EXOC6B: variants seen among roughly 807,000 people sequenced by gnomAD.
The protein encoded by EXOC6B is exocyst complex component 6B.
A neutral mutation model predicts 113.5 loss-of-function variants in EXOC6B; 54 were observed. The ratio of observed to expected loss-of-function variants is 0.48; its 90% confidence interval spans 0.38 to 0.60. EXOC6B has a LOEUF of 0.60. EXOC6B is among the 20% of genes least tolerant of loss of function. The pLI is 0.00. For synonymous variants in EXOC6B, 357 were observed against 339.0 expected (o/e 1.05, Z -0.58); for missense variants, 797 against 977.5 (o/e 0.82, Z 2.46).
intron 6 of EXOC6B, among the ~76,000 whole-genome samples, chr2:72,590,364 TC>T (rs1705860340): frequency 6.6e-6 from 1 of 151,544 alleles, no homozygotes; most frequent in Non-Finnish European, 1.5e-5. Flanking sequence ...ATGTTCACAC[TC>T]CAAGAGTATT....
chr2:72,184,740 T>C (rs1003514234), intron 20 of EXOC6B, among the ~76,000 whole-genome samples: 2 of 152,154 alleles, frequency 1.3e-5, no homozygotes, highest in Non-Finnish European at 2.9e-5. Flanking sequence ...TATATACAAA[T>C]AGGACACACA....
chr2:72,623,403 G>C (rs1221546292), intron 6 of EXOC6B, among the ~76,000 whole-genome samples: 4 of 152,114 alleles, frequency 2.6e-5, no homozygotes, highest in Non-Finnish European at 5.9e-5. Context: ...TTAGACACCA[G>C]GGTAAATGCT....
At chr2:72,196,897 A>G (rs1299022306) in intron 20 of EXOC6B, among the ~76,000 whole-genome samples, 1 of 152,182 alleles carries the variant, frequency 6.6e-6, no homozygotes, top group Non-Finnish European at 1.5e-5. Context: ...CCAGCATGCT[A>G]TCTGTCCTTG....
intron 18 of EXOC6B, among the ~76,000 whole-genome samples, chr2:72,426,839 G>A (rs975378930): frequency 2.0e-5 from 3 of 152,198 alleles, no homozygotes; most frequent in African/African-American, 4.8e-5. Flanking sequence ...CATCCGGAGC[G>A]GCCGCTGCTA....
chr2:72,570,844 CA>C (rs920109389), intron 7 of EXOC6B, among the ~76,000 whole-genome samples: 9 of 152,196 alleles, frequency 5.9e-5, no homozygotes, highest in African/African-American at 2.2e-4. Flanking sequence ...TATACATTGT[CA>C]AAAATTAGAT....
At chr2:72,643,802 A>T (rs886861966) in intron 6 of EXOC6B, among the ~76,000 whole-genome samples, 1 of 150,674 alleles carries the variant, frequency 6.6e-6, no homozygotes, top group African/African-American at 2.4e-5. Flanking sequence ...AGCAATAAAA[A>T]AAATTAAAAA....
chr2:72,726,552 G>A (rs186201140), intron 5 of EXOC6B, among the ~76,000 whole-genome samples: 15 of 152,254 alleles, frequency 9.9e-5, no homozygotes, highest in Admixed American at 2.6e-4. Flanking sequence ...GGTAAAATGT[G>A]AGAGTTTTTC....
At chr2:72,464,342 T>TA (rs1697901138) in intron 18 of EXOC6B, 1 of 152,194 alleles carries the variant, frequency 6.6e-6, no homozygotes, top group African/African-American at 2.4e-5. Flanking sequence ...TCTTTGGTGC[T>TA]AAAAAGACAA....
chr2:72,389,894 C>T (rs1692264558), intron 18 of EXOC6B, among the ~76,000 whole-genome samples: 1 of 151,948 alleles, frequency 6.6e-6, no homozygotes, highest in East Asian at 1.9e-4. Context: ...AATACTTTAC[C>T]TATTCTTCCT....
intron 18 of EXOC6B, among the ~76,000 whole-genome samples, chr2:72,427,206 A>G (rs1047902167): frequency 1.3e-5 from 2 of 152,174 alleles, no homozygotes; most frequent in South Asian, 2.1e-4. Flanking sequence ...TGGCAGGGGA[A>G]CAGCATGGTT....
At chr2:72,391,918 C>T (rs551313355) in intron 18 of EXOC6B, among the ~76,000 whole-genome samples, 3 of 152,222 alleles carry the variant, frequency 2.0e-5, no homozygotes, top group Admixed American at 2.0e-4. Context: ...TTTCTACAGA[C>T]CCATATCTGA....
At chr2:72,738,003 T>C (rs1681073212) in intron 2 of EXOC6B, among the ~76,000 whole-genome samples, 1 of 152,174 alleles carries the variant, frequency 6.6e-6, no homozygotes, top group Non-Finnish European at 1.5e-5. Context: ...TTTCTTATTA[T>C]AATACATAAA....
intron 19 of EXOC6B, among the ~76,000 whole-genome samples, chr2:72,351,089 G>A (rs1370395896): frequency 6.6e-6 from 1 of 152,054 alleles, no homozygotes; most frequent in Non-Finnish European, 1.5e-5. Flanking sequence ...TGAGTCAGAG[G>A]GGAAGGGCAG....
intron 8 of EXOC6B, among the ~76,000 whole-genome samples, chr2:72,516,810 G>T (rs542475770): frequency 6.6e-6 from 1 of 152,198 alleles, no homozygotes; most frequent in East Asian, 1.9e-4. Flanking sequence ...TTGTAATGAG[G>T]ATTTAGAGGA....
intron 6 of EXOC6B, among the ~76,000 whole-genome samples, chr2:72,643,774 T>C (rs1299008591): frequency 6.9e-6 from 1 of 144,556 alleles, no homozygotes; most frequent in Admixed American, 6.9e-5. Context: ...TTAAAAAAAA[T>C]AAATTTAAAA....
chr2:72,282,522 G>A (rs1685186998), intron 20 of EXOC6B, among the ~76,000 whole-genome samples: 1 of 151,612 alleles, frequency 6.6e-6, no homozygotes, highest in Non-Finnish European at 1.5e-5. Context: ...AAGAAAGGGA[G>A]AAACAGAAGT....
intron 5 of EXOC6B, among the ~76,000 whole-genome samples, chr2:72,728,558 T>C (rs1358269841): frequency 1.3e-5 from 2 of 152,190 alleles, no homozygotes; most frequent in Non-Finnish European, 2.9e-5. Flanking sequence ...TTACTCATGT[T>C]ATATACTCAT....
intron 7 of EXOC6B, among the ~76,000 whole-genome samples, chr2:72,560,839 CT>C (rs1409038359): frequency 2.0e-5 from 3 of 146,764 alleles, no homozygotes; most frequent in Non-Finnish European, 4.5e-5. Flanking sequence ...AATAACTTTA[CT>C]TTAAAAAAAA....
intron 5 of EXOC6B, among the ~76,000 whole-genome samples, chr2:72,728,442 T>G (rs1680441317): frequency 1.3e-5 from 2 of 152,224 alleles, no homozygotes; most frequent in African/African-American, 4.8e-5. Context: ...CCACTGTCTG[T>G]CATAACTACT....
Sources: allele counts gnomAD v4.1 joint callset (sites outside exome capture counted in the v4.1 genomes callset), GRCh38; gene constraint gnomAD v4.1.1; transcripts MANE v1.5; gene names NCBI Gene and HGNC (gene_info 2026-07-23, HGNC 2026-07-21).